DLC1: variants seen among roughly 807,000 people sequenced by gnomAD.
DLC1 encodes the protein rho GTPase-activating protein 7.
A neutral mutation model predicts 140.3 loss-of-function variants in DLC1; 54 were observed. The ratio of observed to expected loss-of-function variants is 0.38; its 90% confidence interval spans 0.31 to 0.48. The LOEUF is 0.48. Among genes scored for constraint, DLC1 ranks in the 20% least tolerant of loss-of-function variants. The probability of loss-of-function intolerance (pLI) is 0.96; values close to 1 mark genes in which losing one functional copy is unlikely to be tolerated. For synonymous variants in DLC1, 986 were observed against 728.1 expected (o/e 1.35, Z -5.70); for missense variants, 2,536 against 1,907.0 (o/e 1.33, Z -6.14).
chr8:13,168,950 G>T (rs1825282316), intron 5 of DLC1, among the ~76,000 whole-genome samples: 1 of 152,202 alleles, frequency 6.6e-6, no homozygotes, highest in Non-Finnish European at 1.5e-5. Flanking sequence ...TTATCATAAT[G>T]TTAGGGGGAG....
intron 2 of DLC1, among the ~76,000 whole-genome samples, chr8:13,427,953 A>C (rs919999192): frequency 6.6e-6 from 1 of 152,166 alleles, no homozygotes; most frequent in Non-Finnish European, 1.5e-5. Context: ...CTGCTTGACC[A>C]TCTGGCCAGA....
In DLC1 at chr8:13,090,445, C is replaced by G. The variant is rs369441118; in HGVS notation, c.3881G>C (p.Arg1294Pro). Residue 1294 changes from arginine to proline, a missense_variant, in exon 15 of 18, where the codon CGT (arginine) becomes CCT (proline). Physicochemically the swap from Arg to Pro is moderately radical, Grantham distance 103. Coordinates refer to ENST00000276297, the MANE Select transcript of DLC1 (RefSeq NM_182643.3). Reference sequence around the variant, plus strand: ...CAGCTCTTGTTCGGTATAGGAATTACGACATCGGCTCATTTCCTCGGGAAC... The same window carrying G: ...CAGCTCTTGTTCGGTATAGGAATTAGGACATCGGCTCATTTCCTCGGGAAC... ...FQVPEEMSRCRNSYTEQELKP... is the reference protein window; with the variant it reads ...FQVPEEMSRCPNSYTEQELKP... The G allele has an allele frequency of 1.9e-6, 3 of 1,614,082 alleles. No individual in the cohort carries two copies. The highest frequency in any genetic ancestry group is 1.7e-5 in the Admixed American group (1 of 60,020).
rs756785339 is a variant in DLC1 at position 13,499,172 on chromosome 8, T to C, written c.900A>G (p.Ser300=). 3 of 1,614,208 alleles carry C rather than the reference T, an allele frequency of 1.9e-6. No individual in the cohort carries two copies. In the East Asian group the frequency reaches 6.7e-5, roughly 36 times the overall value. ...AENGLEKSGF[S]QHQNKSPPKV... Reference sequence around the variant, plus strand: ...TTGGTGGACTTTTGTTTTGATGTTGTGAAAAACCACTCTTCTCCAGGCCAT... The same window carrying C: ...TTGGTGGACTTTTGTTTTGATGTTGCGAAAAACCACTCTTCTCCAGGCCAT... The change falls in exon 2 of 18, where the codon TCA becomes TCG. Residue 300 remains serine, a synonymous_variant. Transcript: ENST00000276297.
intron 1 of DLC1, among the ~76,000 whole-genome samples, chr8:13,600,677 T>C (rs1805845738): frequency 6.6e-6 from 1 of 151,938 alleles, no homozygotes; most frequent in South Asian, 2.1e-4. Context: ...TTGATGCCTT[T>C]CAAAATCTTG....
intron 5 of DLC1, among the ~76,000 whole-genome samples, chr8:13,151,094 C>G (rs1823774371): frequency 6.6e-6 from 1 of 152,102 alleles, no homozygotes; most frequent in Non-Finnish European, 1.5e-5. Flanking sequence ...AGTTGAATTA[C>G]AAGAGGAGAA....
chr8:13,301,428 C>G (rs905903947), intron 5 of DLC1, among the ~76,000 whole-genome samples: 7 of 152,184 alleles, frequency 4.6e-5, no homozygotes, highest in Non-Finnish European at 8.8e-5. Context: ...CAGCGAGTGT[C>G]CATTTGTCCT....
At chr8:13,318,918 C>T (rs1832971885) in intron 4 of DLC1, among the ~76,000 whole-genome samples, 2 of 152,296 alleles carry the variant, frequency 1.3e-5, no homozygotes, top group South Asian at 4.1e-4. Flanking sequence ...ACACTTTCAC[C>T]AGACAGATTG....
intron 2 of DLC1, among the ~76,000 whole-genome samples, chr8:13,414,933 C>T (rs562287234): frequency 8.5e-5 from 13 of 152,170 alleles, no homozygotes; most frequent in South Asian, 4.2e-4. Context: ...GCCTCAGCCT[C>T]CTGAGTAGCT....
intron 4 of DLC1, chr8:13,339,589 G>T (rs181871196): frequency 2.0e-5 from 3 of 152,132 alleles, no homozygotes; most frequent in Non-Finnish European, 2.9e-5. Flanking sequence ...TCATTATGTC[G>T]CCTGTTTTGA....
In DLC1 at chr8:13,521,321, G is replaced by A. The variant is rs563958868; in HGVS notation, c.-125-21125C>T. On this transcript the variant is annotated intron_variant, in intron 1 of 1. Coordinates refer to the DLC1 transcript ENST00000631382. ...GTGGGGCTTAATACCTAGGTTATGG[G>A]TAGATAGGTGTGACAAACCACCGTG... Among the ~76,000 whole-genome samples, 9 of 152,044 alleles carry A rather than the reference G, an allele frequency of 5.9e-5. No individual in the cohort carries two copies. The South Asian group carries it at 1.7e-3, about 28-fold the overall frequency.
At chr8:13,098,183 C>G (rs1049803786) in intron 10 of DLC1, among the ~76,000 whole-genome samples, 3 of 152,136 alleles carry the variant, frequency 2.0e-5, no homozygotes, top group Middle Eastern at 6.8e-3. Flanking sequence ...CGAGATCGCA[C>G]CACTGCACCG....
intron 2 of DLC1, among the ~76,000 whole-genome samples, chr8:13,445,749 A>G (rs289632): frequency 0.035 from 5,283 of 152,274 alleles, 300 homozygotes; most frequent in African/African-American, 0.12. Context: ...ACAAAACAAA[A>G]GTAACCCAGA....
At chr8:13,460,635 A>C (rs1042370680) in intron 2 of DLC1, among the ~76,000 whole-genome samples, 1 of 152,154 alleles carries the variant, frequency 6.6e-6, no homozygotes, top group Non-Finnish European at 1.5e-5. Flanking sequence ...ACAAGGAGAT[A>C]CTCTGGGGGG....
At chr8:13,134,426 G>A (rs1822399003) in intron 5 of DLC1, among the ~76,000 whole-genome samples, 1 of 152,080 alleles carries the variant, frequency 6.6e-6, no homozygotes, top group African/African-American at 2.4e-5. Flanking sequence ...TTACTTTCTC[G>A]TGGGAAAAAT....
intron 4 of DLC1, among the ~76,000 whole-genome samples, chr8:13,324,509 G>A (rs1353397614): frequency 2.8e-5 from 4 of 141,748 alleles, no homozygotes; most frequent in African/African-American, 1.0e-4. Context: ...GGAGCTTGCA[G>A]TGAGCCCAGA....
chr8:13,419,117 G>C (rs1159475200), intron 2 of DLC1, among the ~76,000 whole-genome samples: 1 of 152,172 alleles, frequency 6.6e-6, no homozygotes, highest in African/African-American at 2.4e-5. Context: ...ATTTTGGGCT[G>C]ATACAATGTG....
intron 4 of DLC1, among the ~76,000 whole-genome samples, chr8:13,375,695 T>G (rs1324670367): frequency 2.6e-5 from 4 of 151,450 alleles, no homozygotes; most frequent in Non-Finnish European, 5.9e-5. Context: ...CTATCTAAAT[T>G]GAATATTTTC....
chr8:13,150,823 C>A (rs1314915381), intron 5 of DLC1, among the ~76,000 whole-genome samples: 1 of 152,216 alleles, frequency 6.6e-6, no homozygotes, highest in African/African-American at 2.4e-5. Flanking sequence ...GACTTCACAT[C>A]CAGAAAAATA....
At chr8:13,231,362 C>G (rs922955527) in intron 5 of DLC1, among the ~76,000 whole-genome samples, 11 of 152,342 alleles carry the variant, frequency 7.2e-5, no homozygotes, top group African/African-American at 2.6e-4. Context: ...AGATTTCCCA[C>G]TGATGACTGT....
Sources: gnomAD v4.1 joint callset for allele counts (sites outside exome capture counted in the v4.1 genomes callset) on GRCh38, gnomAD v4.1.1 for gene constraint, MANE v1.5 for transcripts, NCBI Gene and HGNC (gene_info 2026-07-23, HGNC 2026-07-21) for gene names.